The following CLNK variants were observed in gnomAD, a reference collection of about 807,000 sequenced individuals.
The protein encoded by CLNK is cytokine-dependent hematopoietic cell linker.
Under a neutral mutation model 68.6 loss-of-function variants are expected in CLNK, and 74 were observed. The observed-to-expected ratio is 1.08, with a 90% CI of 0.89 to 1.31. The LOEUF is 1.31. Ranked by LOEUF, CLNK falls within the 50% of genes most tolerant of loss-of-function variation. The probability of loss-of-function intolerance (pLI) is 0.00; values close to 1 mark genes in which losing one functional copy is unlikely to be tolerated. For missense variants in CLNK, 553 were observed against 515.3 expected (o/e 1.07, Z -0.71); for synonymous variants, 198 against 172.2 (o/e 1.15, Z -1.17).
At chr4:10,561,555 T>C (rs1719888483) in intron 7 of CLNK, among the ~76,000 whole-genome samples, 1 of 152,186 alleles carries the variant, frequency 6.6e-6, no homozygotes, top group South Asian at 2.1e-4. Flanking sequence ...CAGGGAAAGT[T>C]CAGCTCAAAT....
chr4:10,564,631 C>A (rs375124411), intron 7 of CLNK, 40 bp downstream of exon 7: 12 of 1,369,042 alleles, frequency 8.8e-6, no homozygotes, highest in African/African-American at 1.4e-5. Context: ...TAGGAAGAGC[C>A]CTACACATGT....
chr4:10,488,535 T>C lies in CLNK; in HGVS notation c.*1932A>G, dbSNP rs544975254. ...TTTAGCTTTGACCGGACCAGTGAGT[T>C]CTTTCGTATCCAAGCTCCAATTTAA... On this transcript the variant is annotated 3_prime_UTR_variant, in exon 19 of 19. Transcript: ENST00000226951. 1 of 152,372 alleles carries C rather than the reference T, an allele frequency of 6.6e-6. No homozygotes were observed. The highest frequency in any genetic ancestry group is 1.5e-5 in the Non-Finnish European group (1 of 68,050). 9.4% of individuals were successfully genotyped at this position (152,372 alleles called of 1,614,324 possible). A position where few individuals can be genotyped will look rare whatever the true frequency, so the allele number is the denominator to read the frequency against.
intron 2 of CLNK, among the ~76,000 whole-genome samples, chr4:10,614,547 C>T (rs918856103): frequency 6.6e-6 from 1 of 152,130 alleles, no homozygotes; most frequent in African/African-American, 2.4e-5. Flanking sequence ...TCTTGCTAGT[C>T]AAAGTGTGGT....
chr4:10,720,505 A>C, the CLNK span, among the ~76,000 whole-genome samples: 3 of 151,934 alleles, frequency 2.0e-5, no homozygotes, highest in Admixed American at 2.0e-4. Context: ...ATTAGGTATT[A>C]AGATAATGAA....
chr4:10,509,786 A>G (rs1480084824), intron 16 of CLNK, among the ~76,000 whole-genome samples: 1 of 152,124 alleles, frequency 6.6e-6, no homozygotes, highest in East Asian at 1.9e-4. Flanking sequence ...TCAGCCTCCC[A>G]TAGTGCTGGG....
chr4:10,659,704 A>C (rs1724120164), intron 2 of CLNK, among the ~76,000 whole-genome samples: 1 of 152,246 alleles, frequency 6.6e-6, no homozygotes, highest in Non-Finnish European at 1.5e-5. Context: ...GCTTATGGCA[A>C]GTACTTCTTT....
chr4:10,630,736 T>C (rs1722854191), intron 2 of CLNK, among the ~76,000 whole-genome samples: 1 of 152,260 alleles, frequency 6.6e-6, no homozygotes, highest in Admixed American at 6.5e-5. Flanking sequence ...AATTTGTACA[T>C]TTCTTCAGCA....
intron 8 of CLNK, among the ~76,000 whole-genome samples, chr4:10,547,351 A>G (rs1301871140): frequency 6.6e-6 from 1 of 152,196 alleles, no homozygotes; most frequent in Non-Finnish European, 1.5e-5. Flanking sequence ...TATTTACTGT[A>G]CACATTAAGA....
At chr4:10,720,630 G>C in the CLNK span, among the ~76,000 whole-genome samples, 1 of 103,072 alleles carries the variant, frequency 9.7e-6, no homozygotes, top group African/African-American at 3.0e-5. Context: ...ATGAGGTACA[G>C]AAAAACCACA....
At chr4:10,709,411 G>A in the CLNK span, among the ~76,000 whole-genome samples, 2 of 152,238 alleles carry the variant, frequency 1.3e-5, no homozygotes, top group African/African-American at 2.4e-5. Flanking sequence ...TTTTATGAAC[G>A]AGGAGACAAA....
chr4:10,583,318 T>C (rs56325310), intron 4 of CLNK, among the ~76,000 whole-genome samples: 33,858 of 151,788 alleles, frequency 0.22, 4,037 homozygotes, highest in African/African-American at 0.29. Context: ...TGCTCTGTCG[T>C]CCACAGCGCC....
chr4:10,559,085 T>C (rs969099126), intron 7 of CLNK, among the ~76,000 whole-genome samples: 5 of 152,186 alleles, frequency 3.3e-5, no homozygotes, highest in African/African-American at 1.2e-4. Flanking sequence ...TCACTATTAA[T>C]ATTATTAAAG....
intron 1 of CLNK, among the ~76,000 whole-genome samples, chr4:10,668,982 T>C (rs1724520309): frequency 6.6e-6 from 1 of 152,086 alleles, no homozygotes; most frequent in Non-Finnish European, 1.5e-5. Context: ...TAGACAATGA[T>C]ACCCAGGAAG....
chr4:10,526,070 C>G, intron 13 of CLNK, 148 bp from the exon 14 acceptor site: 1 of 600,648 alleles, frequency 1.7e-6, no homozygotes, highest in African/African-American at 1.9e-5. Flanking sequence ...AACTATAACT[C>G]ATGTATTCTA....
intron 2 of CLNK, among the ~76,000 whole-genome samples, chr4:10,659,386 T>C (rs1724104513): frequency 6.6e-6 from 1 of 152,192 alleles, no homozygotes; most frequent in African/African-American, 2.4e-5. Flanking sequence ...ATAGTTACTA[T>C]AACGATTTCA....
At chr4:10,623,711 G>T (rs770490372) in intron 2 of CLNK, among the ~76,000 whole-genome samples, 8 of 152,360 alleles carry the variant, frequency 5.3e-5, no homozygotes, top group Middle Eastern at 3.4e-3. Flanking sequence ...AAAAGTTTGT[G>T]CCCTGAACTG....
chr4:10,688,519 C>T (rs552821572), upstream of CLNK, among the ~76,000 whole-genome samples: 18 of 152,282 alleles, frequency 1.2e-4, no homozygotes, highest in African/African-American at 4.1e-4. Flanking sequence ...ATTTGCAAGG[C>T]TGTCAAGTTT....
At chr4:10,587,268 ATTTTCTG>A (rs1481390323) in intron 3 of CLNK, among the ~76,000 whole-genome samples, 23 of 152,012 alleles carry the variant, frequency 1.5e-4, no homozygotes. Context: ...GCCTGGCCTC[ATTTTCTG>A]ACAAGGTCTT....
chr4:10,504,582 A>G (rs570851386), intron 17 of CLNK, among the ~76,000 whole-genome samples: 1 of 152,334 alleles, frequency 6.6e-6, no homozygotes, highest in East Asian at 1.9e-4. Context: ...CTTTAAATAC[A>G]CAAGCCTCTG....
Sources: gnomAD v4.1 joint callset for allele counts (sites outside exome capture counted in the v4.1 genomes callset) on GRCh38, gnomAD v4.1.1 for gene constraint, MANE v1.5 for transcripts, NCBI Gene and HGNC (gene_info 2026-07-23, HGNC 2026-07-21) for gene names.